The following MOSMO variants were observed in gnomAD, a reference collection of about 807,000 sequenced individuals.
MOSMO encodes the protein modulator of smoothened protein.
Under a neutral mutation model 18.4 loss-of-function variants are expected in MOSMO, and 5 were observed. That is an observed-to-expected ratio of 0.27 (90% confidence interval 0.14 to 0.57). The LOEUF (loss-of-function observed/expected upper bound fraction) is 0.57, where lower values mean the gene tolerates loss of function less well. MOSMO is among the 20% of genes least tolerant of loss of function. The pLI is 0.92. For synonymous variants in MOSMO, 82 were observed against 82.3 expected (o/e 1.00, Z 0.02); for missense variants, 138 against 211.8 (o/e 0.65, Z 2.16).
At chr16:22,028,138 G>A (rs187663649) in intron 1 of MOSMO, among the ~76,000 whole-genome samples, 1 of 152,166 alleles carries the variant, frequency 6.6e-6, no homozygotes, top group Admixed American at 6.5e-5. Context: ...TCTATCTTCA[G>A]TTAAACTACT....
At chr16:22,012,962 CATATT>C (rs774255329) in intron 1 of MOSMO, among the ~76,000 whole-genome samples, 5 of 151,996 alleles carry the variant, frequency 3.3e-5, no homozygotes, top group Non-Finnish European at 5.9e-5. Context: ...AGATCTGAAA[CATATT>C]GTATGTATGG....
intron 1 of MOSMO, among the ~76,000 whole-genome samples, chr16:22,057,030 T>C (rs1366141199): frequency 6.6e-6 from 1 of 152,214 alleles, no homozygotes; most frequent in East Asian, 1.9e-4. Flanking sequence ...ATAGTATCAG[T>C]GACCTAGGAA....
intron 1 of MOSMO, among the ~76,000 whole-genome samples, chr16:22,072,099 G>A (rs1286728115): frequency 6.6e-6 from 1 of 152,090 alleles, no homozygotes. Flanking sequence ...GTAAGTGCAT[G>A]GTTGTATGAT....
downstream of MOSMO, chr16:22,092,508 C>T (rs753536001): frequency 8.6e-5 from 103 of 1,199,458 alleles, 1 homozygote; most frequent in Middle Eastern, 6.8e-4. Context: ...TGGAGACCAG[C>T]TAACACATTC....
the MOSMO span, chr16:22,092,621 C>T: frequency 1.3e-5 from 20 of 1,550,420 alleles, no homozygotes; most frequent in South Asian, 2.4e-4. Flanking sequence ...GCCCTTCTCC[C>T]AAAGATGGAG....
At chr16:22,053,592 C>T (rs1323091845) in intron 1 of MOSMO, among the ~76,000 whole-genome samples, 3 of 152,062 alleles carry the variant, frequency 2.0e-5, no homozygotes, top group Admixed American at 2.0e-4. Flanking sequence ...CACTTGAGGT[C>T]AGGAGTTCGA....
chr16:22,027,557 A>C (rs990095076), intron 1 of MOSMO, among the ~76,000 whole-genome samples: 2 of 152,212 alleles, frequency 1.3e-5, no homozygotes, highest in African/African-American at 4.8e-5. Context: ...GAAAGCACTC[A>C]AAATATAGTG....
Position 22,080,953 on chromosome 16 carries a change from G to C in MOSMO, c.*73G>C. 1.4e-5 allele frequency: 10 copies of C among 690,868 alleles called. No individual in the cohort carries two copies. Among genetic ancestry groups the C allele is most frequent in the East Asian group, 3.4e-5 (1 of 29,276 alleles). The allele number at this position is 690,868 out of a possible 1,614,324, so 42.8% of individuals were successfully genotyped here. A position where few individuals can be genotyped will look rare whatever the true frequency, so the allele number is the denominator to read the frequency against. On this transcript the variant is annotated 3_prime_UTR_variant, in exon 3 of 3. Coordinates refer to ENST00000542527, the MANE Select transcript of MOSMO (RefSeq NM_001164579.2). Reference sequence around the variant, plus strand: ...TTTTTTATTTTTGGAGGGTGGAGAGGACAAAGGCGAGGCATCTGAGCAGGC... The same window carrying C: ...TTTTTTATTTTTGGAGGGTGGAGAGCACAAAGGCGAGGCATCTGAGCAGGC...
At chr16:22,068,050 T>C (rs550436047) in intron 1 of MOSMO, among the ~76,000 whole-genome samples, 1 of 152,288 alleles carries the variant, frequency 6.6e-6, no homozygotes, top group South Asian at 2.1e-4. Context: ...GTCCACAGGC[T>C]GAAATAAAAG....
At chr16:22,018,602 G>A (rs1899689207) in intron 1 of MOSMO, among the ~76,000 whole-genome samples, 3 of 152,222 alleles carry the variant, frequency 2.0e-5, no homozygotes, top group South Asian at 4.1e-4. Context: ...TGCTATTGAC[G>A]TATTTGTGGT....
At chr16:22,022,183 CT>C (rs771655222) in intron 1 of MOSMO, among the ~76,000 whole-genome samples, 296 of 144,784 alleles carry the variant, frequency 2.0e-3, no homozygotes, top group African/African-American at 2.6e-3. Context: ...GCCCGTATCA[CT>C]TTTTTTTTTT....
intron 1 of MOSMO, among the ~76,000 whole-genome samples, chr16:22,016,299 A>C (rs1899635156): frequency 6.6e-6 from 1 of 152,222 alleles, no homozygotes. Flanking sequence ...GGCATATAAG[A>C]GATTAGCACA....
chr16:22,049,807 TATA>T (rs1394083029), intron 1 of MOSMO, among the ~76,000 whole-genome samples: 2 of 152,358 alleles, frequency 1.3e-5, no homozygotes, highest in Admixed American at 1.3e-4. Context: ...TTAATTCTTT[TATA>T]AATGTTAAGC....
chr16:22,033,552 T>G (rs1446540787), intron 1 of MOSMO, among the ~76,000 whole-genome samples: 1 of 151,752 alleles, frequency 6.6e-6, no homozygotes, highest in Non-Finnish European at 1.5e-5. Flanking sequence ...GATGCCCAGC[T>G]CACGCCTGTA....
chr16:22,069,256 C>T (rs950583396), intron 1 of MOSMO, among the ~76,000 whole-genome samples: 1 of 152,040 alleles, frequency 6.6e-6, no homozygotes, highest in Non-Finnish European at 1.5e-5. Context: ...GAGGGAACAG[C>T]ATATATGAGG....
intron 1 of MOSMO, among the ~76,000 whole-genome samples, chr16:22,009,733 G>A (rs1014882563): frequency 6.7e-6 from 1 of 149,810 alleles, no homozygotes; most frequent in African/African-American, 2.5e-5. Context: ...GGCCGAGGCG[G>A]GCGGATCAGG....
chr16:22,047,486 C>T (rs1185695053), intron 1 of MOSMO, among the ~76,000 whole-genome samples: 6 of 151,872 alleles, frequency 4.0e-5, no homozygotes, highest in African/African-American at 7.3e-5. Flanking sequence ...CCTTGTGATC[C>T]GCCCGCCTCG....
At chr16:22,091,934 A>G (rs80135026), downstream of MOSMO, among the ~76,000 whole-genome samples, 1 of 152,168 alleles carries the variant, frequency 6.6e-6, no homozygotes, top group Non-Finnish European at 1.5e-5. Flanking sequence ...CATTGTTAAA[A>G]AGTCACATTC....
chr16:22,056,085 C>T (rs977537016), intron 1 of MOSMO, among the ~76,000 whole-genome samples: 2 of 152,012 alleles, frequency 1.3e-5, no homozygotes, highest in Non-Finnish European at 2.9e-5. Context: ...CGGCAGGGGG[C>T]GAGGCAGGGT....
Sources: allele counts gnomAD v4.1 joint callset (sites outside exome capture counted in the v4.1 genomes callset), GRCh38; gene constraint gnomAD v4.1.1; transcripts MANE v1.5; gene names NCBI Gene and HGNC (gene_info 2026-07-23, HGNC 2026-07-21).